The following ERC2 variants were observed in gnomAD, a reference collection of about 807,000 sequenced individuals.
The protein encoded by ERC2 is ERC protein 2.
In ERC2, 42 loss-of-function variants were observed where a neutral mutation model predicts 114.8. The observed-to-expected ratio is 0.37, with a 90% CI of 0.29 to 0.47. The LOEUF (loss-of-function observed/expected upper bound fraction) is 0.47, where lower values mean the gene tolerates loss of function less well. ERC2 is among the 20% of genes least tolerant of loss of function. The probability of loss-of-function intolerance (pLI) is 0.99; values close to 1 mark genes in which losing one functional copy is unlikely to be tolerated. For missense variants in ERC2, 939 were observed against 1,150.7 expected, an observed-to-expected ratio of 0.82 and a Z score of 2.66; for synonymous variants, 454 against 425.5, an observed-to-expected ratio of 1.07 and a Z score of -0.82.
rs116740041 is a variant in ERC2 at position 56,464,065 on chromosome 3, T to A, written c.-141+4183A>T. 3.1e-3 allele frequency among the ~76,000 whole-genome samples: 467 copies of A among 152,330 alleles called. 7 individuals are homozygous for A. The highest frequency in any genetic ancestry group is 1.6e-3 in the Non-Finnish European group (110 of 68,034). ...GCAGAAGTTAAGGACCAGGTTTATA[T>A]GTCACGCAGCTAGCAATGGGAGTGA... is the stretch of plus-strand genomic sequence containing the variant. On this transcript the variant is annotated intron_variant, in intron 1 of 17. Transcript: ENST00000288221.
intron 8 of ERC2, among the ~76,000 whole-genome samples, chr3:56,011,604 TAAAC>T (rs1448774496): frequency 1.0e-5 from 1 of 99,682 alleles, no homozygotes; most frequent in Admixed American, 1.0e-4. Context: ...GTAAGAAACT[TAAAC>T]ACACACACAC....
chr3:55,910,877 A>T (rs918743029), intron 13 of ERC2, among the ~76,000 whole-genome samples: 5 of 152,182 alleles, frequency 3.3e-5, no homozygotes, highest in Admixed American at 2.0e-4. Flanking sequence ...TGTTGTAAGG[A>T]TTAAAGGTAA....
At chr3:55,876,685 C>G (rs1030054528) in intron 14 of ERC2, among the ~76,000 whole-genome samples, 8 of 152,142 alleles carry the variant, frequency 5.3e-5, no homozygotes, top group Admixed American at 1.3e-4. Flanking sequence ...CAGAAAGAAC[C>G]ACAGGTTAAA....
intron 13 of ERC2, among the ~76,000 whole-genome samples, chr3:55,931,607 T>TG (rs1466039299): frequency 4.6e-5 from 7 of 151,452 alleles, no homozygotes; most frequent in African/African-American, 1.5e-4. Flanking sequence ...TGTCGGGGTG[T>TG]GGGGGGCTAG....
chr3:56,018,522 G>A (rs925020407), intron 8 of ERC2, among the ~76,000 whole-genome samples: 3 of 152,138 alleles, frequency 2.0e-5, no homozygotes, highest in Non-Finnish European at 1.5e-5. Flanking sequence ...GATGAGGCTG[G>A]AAATGAAAGA....
chr3:55,608,502 T>C lies in ERC2; in HGVS notation c.*39+75292A>G, dbSNP rs991626216. Among the ~76,000 whole-genome samples the C allele has an allele frequency of 3.9e-5, 6 of 152,314 alleles. No homozygotes were observed. The East Asian group carries it at 7.7e-4, about 20-fold the overall frequency. On this transcript the variant is annotated intron_variant, in intron 17 of 17. Transcript: ENST00000288221. The stretch of plus-strand genomic sequence containing the variant: ...CACAAAGAGGTCTTTAAGGAAGCCC[T>C]TTCCTTCTCTTTACAAAGGTTCCTA...
chr3:56,360,907 C>T (rs1227287719), intron 2 of ERC2, among the ~76,000 whole-genome samples: 1 of 151,892 alleles, frequency 6.6e-6, no homozygotes, highest in East Asian at 1.9e-4. Context: ...GACTCCATCT[C>T]AAAAATAAAT....
chr3:55,951,163 C>T (rs1401263534), intron 12 of ERC2, among the ~76,000 whole-genome samples: 2 of 152,148 alleles, frequency 1.3e-5, no homozygotes, highest in African/African-American at 4.8e-5. Context: ...GTAGGCAGGG[C>T]CCAGGCTCAT....
intron 6 of ERC2, among the ~76,000 whole-genome samples, chr3:56,117,979 G>T (rs1380553590): frequency 6.6e-6 from 1 of 152,224 alleles, no homozygotes; most frequent in Non-Finnish European, 1.5e-5. Context: ...AGCCACCCCA[G>T]GGAGAGGGAA....
At chr3:56,202,951 C>G (rs927992291) in intron 3 of ERC2, among the ~76,000 whole-genome samples, 26 of 152,302 alleles carry the variant, frequency 1.7e-4, no homozygotes, top group African/African-American at 5.8e-4. Context: ...AGAAAACAAG[C>G]CTTTGCTATT....
intron 2 of ERC2, among the ~76,000 whole-genome samples, chr3:56,364,019 G>A (rs1353538970): frequency 6.6e-6 from 1 of 152,224 alleles, no homozygotes; most frequent in Non-Finnish European, 1.5e-5. Context: ...ATAAAACTCA[G>A]TCCAGCTCCG....
At chr3:56,018,764 A>G (rs1283321445) in intron 8 of ERC2, 130 bp downstream of exon 8, 8 of 1,011,880 alleles carry the variant, frequency 7.9e-6, no homozygotes. Flanking sequence ...GGGAAGAACA[A>G]GGACCAGCTG....
At chr3:55,550,883 GT>G in intron 17 of ERC2, among the ~76,000 whole-genome samples, 1 of 152,078 alleles carries the variant, frequency 6.6e-6, no homozygotes, top group Admixed American at 6.5e-5. Context: ...GGGCGTGGTG[GT>G]GGGTGCCTGT....
chr3:56,249,127 G>A (rs2051930986), intron 3 of ERC2, among the ~76,000 whole-genome samples: 1 of 152,146 alleles, frequency 6.6e-6, no homozygotes, highest in African/African-American at 2.4e-5. Flanking sequence ...ATTGGCAGTT[G>A]GGTTCTTATT....
At chr3:56,015,113 G>T (rs1488644814) in intron 8 of ERC2, among the ~76,000 whole-genome samples, 1 of 151,832 alleles carries the variant, frequency 6.6e-6, no homozygotes, top group Non-Finnish European at 1.5e-5. Flanking sequence ...AAATTAATTT[G>T]GAAATACATA....
chr3:55,646,108 T>C (rs1442894028), intron 17 of ERC2, among the ~76,000 whole-genome samples: 2 of 152,214 alleles, frequency 1.3e-5, no homozygotes. Flanking sequence ...CATTTTTACA[T>C]AGGGGGTTGC....
At position 56,056,040 on chromosome 3, in the gene ERC2, GGCATGAACTTAA is replaced by G. The variant is rs2075998819; in HGVS notation, c.1641+24765_1641+24776del. ...TGGAAGAGACTTGTGCAAAGGAGGG[GGCATGAACTTAA>G]GCACCATTAGCTTTCCAGCAAATTC... On this transcript the variant is annotated intron_variant, in intron 7 of 17. Coordinates refer to ENST00000288221, the MANE Select transcript of ERC2 (RefSeq NM_015576.3). 3.9e-5 allele frequency among the ~76,000 whole-genome samples: 6 copies of G among 152,262 alleles called. No individual in the cohort carries two copies. The South Asian group carries it at 1.2e-3, about 32-fold the overall frequency.
At chr3:55,952,178 C>CTATATATATATAT (rs1302030120) in intron 12 of ERC2, among the ~76,000 whole-genome samples, 6 of 41,778 alleles carry the variant, frequency 1.4e-4, no homozygotes, top group African/African-American at 4.1e-4. Flanking sequence ...CACACACACA[C>CTATATATATATAT]ACTCTCTCTC....
At chr3:55,538,404 C>T (rs560948834) in intron 17 of ERC2, among the ~76,000 whole-genome samples, 1 of 152,316 alleles carries the variant, frequency 6.6e-6, no homozygotes, top group African/African-American at 2.4e-5. Flanking sequence ...GCAGCAATCA[C>T]CATGACAACA....
Sources: allele counts gnomAD v4.1 joint callset (sites outside exome capture counted in the v4.1 genomes callset), GRCh38; gene constraint gnomAD v4.1.1; transcripts MANE v1.5; gene names NCBI Gene and HGNC (gene_info 2026-07-23, HGNC 2026-07-21).